The following RRM2B variants were observed in gnomAD, a reference collection of about 807,000 sequenced individuals.
RRM2B encodes the protein ribonucleoside-diphosphate reductase subunit M2 B.
A neutral mutation model predicts 45.9 loss-of-function variants in RRM2B; 20 were observed. That is an observed-to-expected ratio of 0.44 (90% CI 0.31 to 0.63). The LOEUF is 0.63. Ranked by LOEUF, RRM2B falls within the 30% of genes least tolerant of loss-of-function variation. RRM2B has a pLI of 0.09. For missense variants in RRM2B, 320 were observed against 414.7 expected (o/e 0.77, Z 1.98); for synonymous variants, 124 against 132.3 (o/e 0.94, Z 0.43).
chr8:102,217,199 A>G (rs1810744952), intron 6 of RRM2B, among the ~76,000 whole-genome samples: 1 of 152,132 alleles, frequency 6.6e-6, no homozygotes, highest in African/African-American at 2.4e-5. Context: ...TGATTGCAGT[A>G]TTTTGCCAAG....
At chr8:102,213,957 T>G in intron 7 of RRM2B, 97 bp downstream of exon 7, 1 of 836,026 alleles carries the variant, frequency 1.2e-6, no homozygotes. Flanking sequence ...TTGCTGGTAT[T>G]TTTATTGACC....
intron 6 of RRM2B, among the ~76,000 whole-genome samples, chr8:102,215,568 A>G (rs1402433164): frequency 1.3e-5 from 2 of 152,216 alleles, no homozygotes; most frequent in East Asian, 3.8e-4. Context: ...GCTTTAGAGC[A>G]GAAAAGAAAG....
intron 7 of RRM2B, among the ~76,000 whole-genome samples, chr8:102,213,743 TAAAA>T (rs879889632): frequency 6.9e-6 from 1 of 144,360 alleles, no homozygotes; most frequent in Admixed American, 7.0e-5. Flanking sequence ...ACTAAAAATG[TAAAA>T]AAAAAAGCTA....
Position 102,225,992 on chromosome 8 carries a change from C to T in RRM2B, c.247G>A (p.Ala83Thr). 1 of 1,612,800 alleles carries T rather than the reference C, an allele frequency of 6.2e-7. No homozygotes were observed. The highest frequency in any genetic ancestry group is 2.2e-5 in the East Asian group (1 of 44,796). The stretch of plus-strand genomic sequence containing the variant: ...TGAGAGATGAAGTACTTCTCATCTG[C>T]TTTAAGCTTGTTCCAGTGAGGGAGA... Reference protein sequence around the residue: ...KDLPHWNKLKADEKYFISHIL... With the variant: ...KDLPHWNKLKTDEKYFISHIL... Residue 83 changes from alanine to threonine, a missense_variant, in exon 3 of 9, where the codon GCA becomes ACA. Ala to Thr is a moderately conservative substitution (Grantham distance 58). This residue lies in a region of RRM2B where 225 missense variants were observed against 289.4 expected (regional missense o/e 0.78). Transcript: ENST00000251810.
intron 5 of RRM2B, among the ~76,000 whole-genome samples, chr8:102,220,761 T>TACATTAATGTGAATACTAAAGAATG (rs1391851558): frequency 6.6e-6 from 1 of 152,244 alleles, no homozygotes; most frequent in Non-Finnish European, 1.5e-5. Context: ...AACCATGCTA[T>TACATTAATGTGAATACTAAAGAATG]ACATTAATGT....
intron 2 of RRM2B, among the ~76,000 whole-genome samples, chr8:102,228,973 C>A (rs890443959): frequency 2.0e-5 from 3 of 152,152 alleles, no homozygotes; most frequent in Admixed American, 6.5e-5. Flanking sequence ...AACAAACCCT[C>A]GGCTGGGCAC....
intron 2 of RRM2B, among the ~76,000 whole-genome samples, chr8:102,231,555 C>A (rs1053422731): frequency 4.6e-5 from 7 of 152,274 alleles, no homozygotes; most frequent in African/African-American, 1.7e-4. Context: ...TTGGCCATAT[C>A]AAACTAAAAG....
chr8:102,208,507 T>A (rs530949591), intron 8 of RRM2B, among the ~76,000 whole-genome samples: 1 of 152,172 alleles, frequency 6.6e-6, no homozygotes, highest in Non-Finnish European at 1.5e-5. Context: ...CTAGCATCTC[T>A]GGTATTCTAA....
chr8:102,217,071 A>G (rs1022987889), intron 6 of RRM2B, among the ~76,000 whole-genome samples: 5 of 152,144 alleles, frequency 3.3e-5, no homozygotes, highest in African/African-American at 1.2e-4. Context: ...ATAGTAAAAC[A>G]AAAAACCTGG....
chr8:102,208,776 A>G lies in RRM2B; in HGVS notation c.904-491T>C, dbSNP rs549572067. Among the ~76,000 whole-genome samples, 3 of 152,336 alleles carry G rather than the reference A, an allele frequency of 2.0e-5. No homozygotes were observed. In the East Asian group the frequency reaches 5.8e-4, roughly 29 times the overall value. On this transcript the variant is annotated intron_variant, in intron 8 of 8. Coordinates refer to ENST00000251810, the MANE Select transcript of RRM2B (RefSeq NM_015713.5). ...GAACATGATCAGGGAAGACAGAATA[A>G]ATGTTATCCATAGTGACTAGATGTC...
At chr8:102,226,085 A>C (rs775287739) in intron 2 of RRM2B, 51 bp from the exon 3 acceptor site, 13 of 1,128,920 alleles carry the variant, frequency 1.2e-5, no homozygotes, top group Non-Finnish European at 1.6e-5. Flanking sequence ...AGTTCTTCTC[A>C]AAGTGTTTGG....
At chr8:102,233,390 G>A (rs1236939608) in intron 1 of RRM2B, among the ~76,000 whole-genome samples, 2 of 152,116 alleles carry the variant, frequency 1.3e-5, no homozygotes, top group African/African-American at 2.4e-5. Flanking sequence ...TAAAGGTATG[G>A]GCCTCCTCAG....
At chr8:102,238,196 G>A (rs904039395) in intron 1 of RRM2B, among the ~76,000 whole-genome samples, 6 of 152,200 alleles carry the variant, frequency 3.9e-5, no homozygotes, top group Non-Finnish European at 8.8e-5. Flanking sequence ...TTTGCATAAA[G>A]CATTTTACTT....
intron 2 of RRM2B, 78 bp from the exon 3 acceptor site, chr8:102,226,112 G>A (rs917832665): frequency 4.7e-5 from 40 of 844,012 alleles, no homozygotes; most frequent in Non-Finnish European, 8.0e-5. Context: ...AACTTCTATT[G>A]TTAAGTAGGA....
At position 102,205,377 on chromosome 8, in the gene RRM2B, A is replaced by G. The variant is rs535246212; in HGVS notation, c.*2756T>C. 6.6e-6 allele frequency: 1 copy of G among 152,228 alleles called. No individual in the cohort carries two copies. Among genetic ancestry groups the G allele is most frequent in the Non-Finnish European group, 1.5e-5 (1 of 68,012 alleles). 9.4% of individuals were successfully genotyped at this position (152,228 alleles called of 1,614,324 possible). On this transcript the variant is annotated 3_prime_UTR_variant, in exon 9 of 9. Transcript: ENST00000251810. Reference sequence around the variant, plus strand: ...ATGGCAATAGAAAAAGCAGAAAAATATGGATGTTTCTAAATGAGACAATGA... The same window carrying G: ...ATGGCAATAGAAAAAGCAGAAAAATGTGGATGTTTCTAAATGAGACAATGA...
At position 102,212,634 on chromosome 8, in the gene RRM2B, T is replaced by C. The variant is rs542455483; in HGVS notation, c.903+142A>G. ...AAATTTCAAAGGATTTTGCAAAACC[T>C]TGTTCATACAAAACAAGTCTCTGTC... On this transcript the variant is annotated intron_variant, in intron 8 of 8. Coordinates refer to ENST00000251810, the MANE Select transcript of RRM2B (RefSeq NM_015713.5). The C allele has an allele frequency of 5.4e-5, 31 of 577,056 alleles. No homozygotes were observed. The East Asian group carries it at 8.8e-4, about 16-fold the overall frequency. 35.7% of individuals were successfully genotyped at this position (577,056 alleles called of 1,614,324 possible).
chr8:102,218,701 G>A (rs2132549287), intron 6 of RRM2B, 113 bp downstream of exon 6: 2 of 886,104 alleles, frequency 2.3e-6, no homozygotes, highest in Middle Eastern at 3.4e-4. Flanking sequence ...ATGCCAGCCT[G>A]GGTGACAGAG....
chr8:102,231,465 C>T (rs1811027274), intron 2 of RRM2B, among the ~76,000 whole-genome samples: 2 of 152,236 alleles, frequency 1.3e-5, no homozygotes, highest in East Asian at 1.9e-4. Context: ...AGAGTTGCTA[C>T]AGCTTTCACT....
Position 102,218,868 on chromosome 8 carries a change from C to T in RRM2B, c.630G>A (p.Lys210=), listed in dbSNP as rs1273759445. The change falls in exon 6 of 9, where the codon AAG becomes AAA. Residue 210 remains lysine (K), a synonymous_variant. Transcript: ENST00000251810. ...GSFAAIFWLK[K]RGLMPGLTFS... ...AAGTGAGTCCTGGCATAAGACCTCT[C>T]TTCTTTAGCCAGAATATAGCAGCAA... 1.2e-6 allele frequency: 2 copies of T among 1,613,906 alleles called. No homozygotes were observed. Among genetic ancestry groups the T allele is most frequent in the Non-Finnish European group, 1.7e-6 (2 of 1,179,812 alleles).
Sources: allele counts gnomAD v4.1 joint callset (sites outside exome capture counted in the v4.1 genomes callset), GRCh38; gene constraint gnomAD v4.1.1; regional missense constraint gnomAD v4.1.1; transcripts MANE v1.5; gene names NCBI Gene and HGNC (gene_info 2026-07-23, HGNC 2026-07-21).